The following ADGRB3 variants were observed in gnomAD, a reference collection of about 807,000 sequenced individuals.
ADGRB3 encodes brain-specific angiogenesis inhibitor 3.
In ADGRB3, 37 loss-of-function variants were observed where a neutral mutation model predicts 193.4. The ratio of observed to expected loss-of-function variants is 0.19; its 90% confidence interval spans 0.15 to 0.25. The LOEUF (loss-of-function observed/expected upper bound fraction) is 0.25. ADGRB3 is among the 10% of genes least tolerant of loss of function. The probability of loss-of-function intolerance (pLI) is 1.00; values close to 1 mark genes in which losing one functional copy is unlikely to be tolerated. For synonymous variants in ADGRB3, 690 were observed against 644.2 expected, an observed-to-expected ratio of 1.07 and a Z score of -1.08; for missense variants, 1,637 against 1,852.9, an observed-to-expected ratio of 0.88 and a Z score of 2.14.
At chr6:69,177,500 G>T (rs1775459851) in intron 17 of ADGRB3, among the ~76,000 whole-genome samples, 1 of 152,034 alleles carries the variant, frequency 6.6e-6, no homozygotes, top group Middle Eastern at 3.2e-3. Context: ...GGGACTACAG[G>T]TGCCTGCCAC....
intron 20 of ADGRB3, among the ~76,000 whole-genome samples, chr6:69,304,347 A>G (rs1485121410): frequency 6.6e-6 from 1 of 151,640 alleles, no homozygotes; most frequent in Non-Finnish European, 1.5e-5. Flanking sequence ...ACATTCAATA[A>G]GTTCAAGTCC....
At chr6:68,794,998 C>T (rs1289470983) in intron 3 of ADGRB3, among the ~76,000 whole-genome samples, 1 of 151,998 alleles carries the variant, frequency 6.6e-6, no homozygotes, top group Non-Finnish European at 1.5e-5. Context: ...TTATTTTTAA[C>T]CATAATTGTT....
At chr6:68,982,795 A>G (rs897317894) in intron 10 of ADGRB3, among the ~76,000 whole-genome samples, 1 of 152,284 alleles carries the variant, frequency 6.6e-6, no homozygotes, top group Non-Finnish European at 1.5e-5. Flanking sequence ...ATATTTTTCC[A>G]TCTCTGGCCA....
chr6:68,782,034 A>T, intron 3 of ADGRB3, among the ~76,000 whole-genome samples: 1 of 151,614 alleles, frequency 6.6e-6, no homozygotes, highest in East Asian at 1.9e-4. Flanking sequence ...GGTTTGTTAC[A>T]TATGTATACA....
intron 20 of ADGRB3, among the ~76,000 whole-genome samples, chr6:69,322,945 G>T (rs747871627): frequency 4.6e-5 from 7 of 151,916 alleles, no homozygotes; most frequent in Non-Finnish European, 1.0e-4. Context: ...GTACGAAGAG[G>T]CATGATTATT....
chr6:68,770,753 G>A (rs998739433), intron 3 of ADGRB3, among the ~76,000 whole-genome samples: 1 of 152,026 alleles, frequency 6.6e-6, no homozygotes, highest in African/African-American at 2.4e-5. Context: ...TTTGAGGTGG[G>A]GCTAATGCTG....
chr6:69,290,643 G>C (rs1184443607), intron 20 of ADGRB3, among the ~76,000 whole-genome samples: 4 of 152,110 alleles, frequency 2.6e-5, no homozygotes, highest in African/African-American at 9.7e-5. Flanking sequence ...CTATCACATA[G>C]TTTTTCTCTG....
intron 26 of ADGRB3, among the ~76,000 whole-genome samples, chr6:69,345,021 A>G (rs1279313109): frequency 5.3e-5 from 8 of 151,730 alleles, no homozygotes; most frequent in African/African-American, 1.9e-4. Flanking sequence ...GAAAGCTATG[A>G]CTGAAGCAGC....
chr6:68,894,596 C>T (rs1766168884), intron 3 of ADGRB3, among the ~76,000 whole-genome samples: 1 of 151,804 alleles, frequency 6.6e-6, no homozygotes, highest in South Asian at 2.1e-4. Context: ...TAGATAATTA[C>T]CTTATGAACT....
At chr6:69,215,384 G>A (rs1020252384) in intron 17 of ADGRB3, among the ~76,000 whole-genome samples, 1 of 151,600 alleles carries the variant, frequency 6.6e-6, no homozygotes, top group Admixed American at 6.6e-5. Flanking sequence ...ATATGTTCTA[G>A]TTCCCATTTT....
At chr6:69,040,291 T>G (rs1422482365) in intron 13 of ADGRB3, among the ~76,000 whole-genome samples, 2 of 147,792 alleles carry the variant, frequency 1.4e-5, no homozygotes, top group East Asian at 4.0e-4. Flanking sequence ...GTTTTTGCCT[T>G]CCTTCCTTTC....
intron 3 of ADGRB3, among the ~76,000 whole-genome samples, chr6:68,928,086 A>C (rs1304922396): frequency 6.6e-6 from 1 of 152,184 alleles, no homozygotes; most frequent in Non-Finnish European, 1.5e-5. Context: ...TTTAATTTGC[A>C]TTACACATAT....
At chr6:69,160,790 A>G (rs1249578547) in intron 17 of ADGRB3, among the ~76,000 whole-genome samples, 1 of 152,170 alleles carries the variant, frequency 6.6e-6, no homozygotes, top group Non-Finnish European at 1.5e-5. Flanking sequence ...AAATGAATGT[A>G]TATCTCTTCT....
intron 17 of ADGRB3, among the ~76,000 whole-genome samples, chr6:69,198,489 A>T (rs1036563558): frequency 6.6e-6 from 1 of 152,092 alleles, no homozygotes; most frequent in Non-Finnish European, 1.5e-5. Flanking sequence ...GGATAAGGTG[A>T]TGGGGAAGGC....
intron 20 of ADGRB3, among the ~76,000 whole-genome samples, chr6:69,290,633 C>A (rs1039547505): frequency 6.6e-6 from 1 of 152,130 alleles, no homozygotes; most frequent in African/African-American, 2.4e-5. Context: ...TCATATAATT[C>A]TATCACATAG....
chr6:68,667,319 A>T (rs903680813), intron 3 of ADGRB3, among the ~76,000 whole-genome samples: 1 of 151,914 alleles, frequency 6.6e-6, no homozygotes, highest in East Asian at 1.9e-4. Flanking sequence ...AGATTTAAGC[A>T]AAACCATCAA....
At chr6:68,809,236 A>G (rs932727733) in intron 3 of ADGRB3, among the ~76,000 whole-genome samples, 5 of 152,340 alleles carry the variant, frequency 3.3e-5, no homozygotes, top group Admixed American at 1.3e-4. Context: ...TGAAAGGTGC[A>G]TTTGTTTTTC....
At chr6:69,386,912 C>T (rs547171806) in intron 31 of ADGRB3, among the ~76,000 whole-genome samples, 1 of 152,102 alleles carries the variant, frequency 6.6e-6, no homozygotes, top group African/African-American at 2.4e-5. Context: ...ATGTTTTAAC[C>T]TCCATTTAAC....
intron 3 of ADGRB3, among the ~76,000 whole-genome samples, chr6:68,852,639 A>C (rs1230906563): frequency 1.3e-5 from 2 of 152,062 alleles, no homozygotes; most frequent in Non-Finnish European, 2.9e-5. Context: ...CAACACTATC[A>C]GTGGCATCTT....
Sources: allele counts gnomAD v4.1 joint callset (sites outside exome capture counted in the v4.1 genomes callset), GRCh38; gene constraint gnomAD v4.1.1; transcripts MANE v1.5; gene names NCBI Gene and HGNC (gene_info 2026-07-23, HGNC 2026-07-21).